PDE1A: variants seen among roughly 807,000 people sequenced by gnomAD.
PDE1A encodes phosphodiesterase 1A, also known as dual specificity calcium/calmodulin-dependent 3',5'-cyclic nucleotide phosphodiesterase 1A.
In PDE1A, 35 loss-of-function variants were observed where a neutral mutation model predicts 61.7. That is an observed-to-expected ratio of 0.57 (90% CI 0.43 to 0.75). PDE1A has a LOEUF of 0.75. Among genes scored for constraint, PDE1A ranks in the 30% least tolerant of loss-of-function variants. The probability of loss-of-function intolerance (pLI) is 0.00; values close to 1 mark genes in which losing one functional copy is unlikely to be tolerated. For missense variants in PDE1A, 597 were observed against 630.6 expected (o/e 0.95, Z 0.57); for synonymous variants, 232 against 213.2 (o/e 1.09, Z -0.77).
At chr2:182,167,443 C>A (rs1386348714), downstream of PDE1A, among the ~76,000 whole-genome samples, 1 of 152,060 alleles carries the variant, frequency 6.6e-6, no homozygotes, top group African/African-American at 2.4e-5. Context: ...TGCTAAATCC[C>A]CACCGCAAAA....
At chr2:182,183,182 G>A (rs1252496158) in intron 13 of PDE1A, among the ~76,000 whole-genome samples, 1 of 152,118 alleles carries the variant, frequency 6.6e-6, no homozygotes, top group African/African-American at 2.4e-5. Context: ...ATGGTGAAGA[G>A]GAATACTTCC....
intron 2 of PDE1A, among the ~76,000 whole-genome samples, chr2:182,449,361 G>A (rs929710853): frequency 2.0e-5 from 3 of 151,742 alleles, no homozygotes; most frequent in African/African-American, 4.8e-5. Flanking sequence ...AAGGAAGGGA[G>A]GGAGGGAGGA....
the PDE1A span, among the ~76,000 whole-genome samples, chr2:182,681,964 A>G: frequency 2.0e-5 from 3 of 152,172 alleles, no homozygotes; most frequent in African/African-American, 7.2e-5. Flanking sequence ...CTCTTTGATT[A>G]TAAGAAAGGC....
At chr2:182,591,585 T>C in the PDE1A span, among the ~76,000 whole-genome samples, 2 of 152,278 alleles carry the variant, frequency 1.3e-5, no homozygotes, top group African/African-American at 4.8e-5. Flanking sequence ...TAATTCTTCA[T>C]TGCGGGTGAG....
chr2:182,223,845 A>T lies in PDE1A; in HGVS notation c.776+19T>A. The T allele has an allele frequency of 7.1e-7, 1 of 1,398,842 alleles. No homozygotes were observed. Among genetic ancestry groups the T allele is most frequent in the Non-Finnish European group, 9.9e-7 (1 of 1,014,370 alleles). 86.7% of individuals were successfully genotyped at this position (1,398,842 alleles called of 1,614,324 possible). On this transcript the variant is annotated intron_variant, in intron 7 of 13. Transcript: ENST00000351439. ...TTTCAAATTTTAACTAATGAAAGTT[A>T]ATACTTTTTCAGACTTACCTTGTCT...
intron 7 of PDE1A, among the ~76,000 whole-genome samples, chr2:182,221,031 T>A (rs148245109): frequency 1.9e-3 from 285 of 152,066 alleles, no homozygotes; most frequent in African/African-American, 6.7e-3. Context: ...AAAATATAAA[T>A]TGAAAAAAAC....
At chr2:182,218,500 T>G (rs1688433570) in intron 7 of PDE1A, among the ~76,000 whole-genome samples, 1 of 152,158 alleles carries the variant, frequency 6.6e-6, no homozygotes, top group Admixed American at 6.5e-5. Flanking sequence ...ATAGATCTCT[T>G]GAACTTATTT....
intron 13 of PDE1A, among the ~76,000 whole-genome samples, chr2:182,154,622 C>T (rs1395839497): frequency 2.0e-5 from 3 of 152,186 alleles, no homozygotes; most frequent in Admixed American, 6.5e-5. Context: ...TCTTGCCTCT[C>T]TTGCCTGCCG....
intron 7 of PDE1A, among the ~76,000 whole-genome samples, chr2:182,217,615 A>G (rs1688313853): frequency 2.0e-5 from 3 of 146,352 alleles, no homozygotes; most frequent in East Asian, 2.0e-4. Context: ...AAAGGACATG[A>G]ACAGACACTT....
intron 2 of PDE1A, among the ~76,000 whole-genome samples, chr2:182,486,526 C>T (rs1688035395): frequency 6.6e-6 from 1 of 152,036 alleles, no homozygotes; most frequent in Non-Finnish European, 1.5e-5. Flanking sequence ...GGAGGATTTA[C>T]ACTTTGAAGT....
chr2:182,659,535 C>T, the PDE1A span, among the ~76,000 whole-genome samples: 1 of 152,086 alleles, frequency 6.6e-6, no homozygotes, highest in Non-Finnish European at 1.5e-5. Flanking sequence ...GATATCCCTC[C>T]AATTCTATAA....
chr2:182,677,730 A>ATC, the PDE1A span, among the ~76,000 whole-genome samples: 3 of 152,288 alleles, frequency 2.0e-5, no homozygotes, highest in East Asian at 5.8e-4. Flanking sequence ...ACCTACAACC[A>ATC]TCTGATCTTT....
At chr2:182,203,463 G>T (rs1417537219) in intron 8 of PDE1A, among the ~76,000 whole-genome samples, 1 of 152,150 alleles carries the variant, frequency 6.6e-6, no homozygotes, top group Non-Finnish European at 1.5e-5. Context: ...GGGAAAGGAA[G>T]CTATTAATAA....
the PDE1A span, among the ~76,000 whole-genome samples, chr2:182,572,661 G>A: frequency 6.6e-6 from 1 of 152,016 alleles, no homozygotes; most frequent in Non-Finnish European, 1.5e-5. Flanking sequence ...ACGAGGTCAG[G>A]AGATCGAGAC....
At chr2:182,386,093 A>G (rs1466031008) in intron 1 of PDE1A, among the ~76,000 whole-genome samples, 1 of 152,150 alleles carries the variant, frequency 6.6e-6, no homozygotes, top group East Asian at 1.9e-4. Flanking sequence ...GTGATCCGCC[A>G]GCCTCGGCCT....
intron 2 of PDE1A, among the ~76,000 whole-genome samples, chr2:182,501,189 C>T (rs550307408): frequency 6.6e-6 from 1 of 152,310 alleles, no homozygotes; most frequent in East Asian, 1.9e-4. Flanking sequence ...GTGACATAAT[C>T]ATCACATCCT....
the PDE1A span, among the ~76,000 whole-genome samples, chr2:182,648,112 T>C: frequency 8.5e-5 from 13 of 152,192 alleles, no homozygotes; most frequent in African/African-American, 2.2e-4. Flanking sequence ...AAAACCATAG[T>C]ATATTGGAGA....
intron 1 of PDE1A, among the ~76,000 whole-genome samples, chr2:182,304,008 C>A (rs1237730909): frequency 6.6e-6 from 1 of 152,012 alleles, no homozygotes; most frequent in East Asian, 1.9e-4. Flanking sequence ...TCAGGTGATT[C>A]TCCTGCCTCA....
the PDE1A span, among the ~76,000 whole-genome samples, chr2:182,543,758 G>A: frequency 2.0e-5 from 3 of 151,524 alleles, no homozygotes; most frequent in African/African-American, 4.9e-5. Context: ...CCAGATACTC[G>A]TGAAAAATTT....
Sources: allele counts gnomAD v4.1 joint callset (sites outside exome capture counted in the v4.1 genomes callset), GRCh38; gene constraint gnomAD v4.1.1; transcripts MANE v1.5; gene names NCBI Gene and HGNC (gene_info 2026-07-23, HGNC 2026-07-21).